Variants in PHIP observed in about 807,000 individuals in gnomAD.
PHIP encodes the protein PHIP subunit of CUL4-Ring ligase complex.
A neutral mutation model predicts 236.8 loss-of-function variants in PHIP; 54 were observed. The ratio of observed to expected loss-of-function variants is 0.23; its 90% confidence interval spans 0.18 to 0.29. The LOEUF (loss-of-function observed/expected upper bound fraction) is 0.29. Ranked by LOEUF, PHIP falls within the 10% of genes least tolerant of loss-of-function variation. The pLI is 1.00. For missense variants in PHIP, 1,370 were observed against 2,190.8 expected (o/e 0.63, Z 7.48); for synonymous variants, 756 against 718.9 (o/e 1.05, Z -0.83).
chr6:78,963,064 GTT>G (rs1766891277), intron 30 of PHIP, 31 bp downstream of exon 30: 1 of 1,536,152 alleles, frequency 6.5e-7, no homozygotes, highest in Non-Finnish European at 8.7e-7. Context: ...TGTTCTGCCA[GTT>G]TTTTCTATAC....
chr6:79,016,826 G>A (rs886907401), intron 12 of PHIP, among the ~76,000 whole-genome samples, 184 bp from the exon 13 acceptor site: 1 of 151,742 alleles, frequency 6.6e-6, no homozygotes, highest in Non-Finnish European at 1.5e-5. Context: ...TTCATGGCTA[G>A]GTCACAAAAT....
At chr6:79,007,611 T>C (rs1222828083) in intron 15 of PHIP, among the ~76,000 whole-genome samples, 6 of 151,338 alleles carry the variant, frequency 4.0e-5, no homozygotes, top group Non-Finnish European at 4.4e-5. Context: ...CATCCTCTTC[T>C]AGAGTTATTT....
rs184417945 is a variant in PHIP at position 79,049,593 on chromosome 6, A to G, written c.440-6590T>C. On this transcript the variant is annotated intron_variant, in intron 6 of 39. Transcript: ENST00000275034. ...CTTTGGCTTTCTACAAATACGATTA[A>G]TAACTATCACTGTAAAACAACAGTT... 9.6e-4 allele frequency among the ~76,000 whole-genome samples: 146 copies of G among 152,330 alleles called. 2 individuals carry two copies. The highest frequency in any genetic ancestry group is 2.8e-4 in the Non-Finnish European group (19 of 68,016).
At chr6:78,945,845 T>C (rs1376988960) in intron 38 of PHIP, 156 bp downstream of exon 38, 15 of 641,644 alleles carry the variant, frequency 2.3e-5, no homozygotes, top group Non-Finnish European at 3.2e-5. Flanking sequence ...ATTCTTCTTA[T>C]TAAAAACTTT....
intron 16 of PHIP, 138 bp from the exon 17 acceptor site, chr6:79,002,262 T>G (rs2127731943): frequency 3.4e-6 from 2 of 591,070 alleles, no homozygotes; most frequent in East Asian, 5.6e-5. Context: ...AAAATATTAT[T>G]TTCCTGAATT....
chr6:78,979,988 C>T (rs1236849635), intron 23 of PHIP, among the ~76,000 whole-genome samples: 1 of 151,930 alleles, frequency 6.6e-6, no homozygotes, highest in Non-Finnish European at 1.5e-5. Flanking sequence ...AAGAGCATTA[C>T]CCTGGAGAGT....
At chr6:78,979,813 G>C (rs1309155987) in intron 23 of PHIP, among the ~76,000 whole-genome samples, 1 of 151,996 alleles carries the variant, frequency 6.6e-6, no homozygotes, top group East Asian at 1.9e-4. Context: ...GTAATTATCA[G>C]TATAAAATAA....
chr6:79,002,186 G>A (rs895870387), intron 16 of PHIP, 62 bp from the exon 17 acceptor site: 1 of 1,133,798 alleles, frequency 8.8e-7, no homozygotes, highest in African/African-American at 1.6e-5. Flanking sequence ...TAGAAAAAAA[G>A]TCTACATCAT....
At chr6:78,955,823 T>C in intron 32 of PHIP, 141 bp from the exon 33 acceptor site, 1 of 461,464 alleles carries the variant, frequency 2.2e-6, no homozygotes, top group Non-Finnish European at 3.9e-6. Context: ...ACTCCAATAA[T>C]TTATGCACAC....
intron 24 of PHIP, among the ~76,000 whole-genome samples, chr6:78,971,100 A>G (rs1373038090): frequency 6.6e-6 from 1 of 152,214 alleles, no homozygotes; most frequent in Non-Finnish European, 1.5e-5. Flanking sequence ...ATACACACTT[A>G]TAAGTTAAGA....
intron 22 of PHIP, among the ~76,000 whole-genome samples, chr6:78,983,717 A>G (rs1056787766): frequency 6.6e-6 from 1 of 151,998 alleles, no homozygotes; most frequent in African/African-American, 2.4e-5. Context: ...ATTTAGATAA[A>G]ATTATTCTAC....
At chr6:78,961,664 T>C (rs1195007328) in intron 31 of PHIP, 26 bp downstream of exon 31, 4 of 1,605,892 alleles carry the variant, frequency 2.5e-6, no homozygotes, top group East Asian at 2.2e-5. Flanking sequence ...TTTCCTTTGA[T>C]AGTAGCTACA....
At chr6:79,030,548 G>T (rs1316821555) in intron 7 of PHIP, among the ~76,000 whole-genome samples, 1 of 152,186 alleles carries the variant, frequency 6.6e-6, no homozygotes, top group African/African-American at 2.4e-5. Flanking sequence ...TTAAGAGTTT[G>T]TATTTAACCT....
intron 15 of PHIP, among the ~76,000 whole-genome samples, chr6:79,010,232 G>A (rs1346776235): frequency 6.6e-6 from 1 of 151,658 alleles, no homozygotes; most frequent in East Asian, 1.9e-4. Flanking sequence ...GATACATACA[G>A]CTACAATTAT....
intron 27 of PHIP, among the ~76,000 whole-genome samples, chr6:78,968,296 C>T (rs1208764212): frequency 6.6e-6 from 1 of 152,162 alleles, no homozygotes; most frequent in Non-Finnish European, 1.5e-5. Context: ...CAATTTTTGA[C>T]AGTAAGTATC....
intron 24 of PHIP, among the ~76,000 whole-genome samples, chr6:78,978,004 C>G (rs902282290): frequency 1.3e-5 from 2 of 152,026 alleles, no homozygotes; most frequent in African/African-American, 4.8e-5. Context: ...AATTTGTGTA[C>G]AAAACAAGGA....
intron 6 of PHIP, among the ~76,000 whole-genome samples, chr6:79,044,009 T>A (rs1362931968): frequency 6.6e-6 from 1 of 152,038 alleles, no homozygotes; most frequent in Non-Finnish European, 1.5e-5. Context: ...GGTTGTATTA[T>A]GAAGAATCTC....
intron 27 of PHIP, among the ~76,000 whole-genome samples, chr6:78,968,911 AAGG>A (rs1767334253): frequency 6.6e-6 from 1 of 152,204 alleles, no homozygotes; most frequent in South Asian, 2.1e-4. Flanking sequence ...TTTCCTCTTG[AAGG>A]AGATTTGGAC....
In PHIP at chr6:79,002,140, TC is replaced by T; in HGVS notation, c.1654-17del. 2 of 1,550,386 alleles carry T rather than the reference TC, an allele frequency of 1.3e-6. No homozygotes were observed. Among genetic ancestry groups the T allele is most frequent in the Non-Finnish European group, 1.8e-6 (2 of 1,129,180 alleles). ...GATCTGCTATCTGCAAAAAGAAAAGTCCATAAAAGACTGGAAAAATAAAAAT... is the reference window on the plus strand; with the variant it reads ...GATCTGCTATCTGCAAAAAGAAAAGTCATAAAAGACTGGAAAAATAAAAAT... On this transcript the variant is annotated splice_polypyrimidine_tract_variant and intron_variant, in intron 16 of 39. Coordinates refer to ENST00000275034, the MANE Select transcript of PHIP (RefSeq NM_017934.7).
Sources: gnomAD v4.1 joint callset for allele counts (sites outside exome capture counted in the v4.1 genomes callset) on GRCh38, gnomAD v4.1.1 for gene constraint, MANE v1.5 for transcripts, NCBI Gene and HGNC (gene_info 2026-07-23, HGNC 2026-07-21) for gene names.